Variants in FHIP1A observed in about 807,000 individuals in gnomAD.
FHIP1A encodes FHF complex subunit HOOK interacting protein 1A.
A neutral mutation model predicts 88.6 loss-of-function variants in FHIP1A; 61 were observed. The ratio of observed to expected loss-of-function variants is 0.69; its 90% CI spans 0.56 to 0.85. The LOEUF (loss-of-function observed/expected upper bound fraction) is 0.85, where lower values mean the gene tolerates loss of function less well. Ranked by LOEUF, FHIP1A falls within the 40% of genes least tolerant of loss-of-function variation. The probability of loss-of-function intolerance (pLI) is 0.00; values close to 1 mark genes in which losing one functional copy is unlikely to be tolerated. For synonymous variants in FHIP1A, 478 were observed against 496.0 expected (o/e 0.96, Z 0.48); for missense variants, 1,154 against 1,273.5 (o/e 0.91, Z 1.43).
chr4:151,577,780 T>C lies in FHIP1A; in HGVS notation c.436T>C (p.Leu146=). ...HKPILKPLMM[L]LSSCSGTTTP... ...ACCCATTCTGAAGCCTCTGATGATG[T>C]TGCTGAGCTCTTGTTCAGGAACAAC... Residue 146 remains leucine, a synonymous_variant, in exon 5 of 14, where the codon TTG becomes CTG. Coordinates refer to ENST00000435205, the MANE Select transcript of FHIP1A (RefSeq NM_001109977.3). 1 of 1,552,034 alleles carries C rather than the reference T, an allele frequency of 6.4e-7. No homozygotes were observed. Among genetic ancestry groups the C allele is most frequent in the East Asian group, 2.4e-5 (1 of 40,914 alleles).
At chr4:151,638,973 G>A (rs149114647) in intron 9 of FHIP1A, among the ~76,000 whole-genome samples, 10 of 152,220 alleles carry the variant, frequency 6.6e-5, no homozygotes, top group African/African-American at 2.4e-4. Flanking sequence ...AAAGTTTTTA[G>A]AGGGCCATAT....
At chr4:151,641,145 A>G (rs920903968) in intron 9 of FHIP1A, among the ~76,000 whole-genome samples, 1 of 152,030 alleles carries the variant, frequency 6.6e-6, no homozygotes, top group Non-Finnish European at 1.5e-5. Flanking sequence ...AATGAGGATG[A>G]TAGTGATAAT....
At position 151,623,521 on chromosome 4, in the gene FHIP1A, C is replaced by CTTT. The variant is rs747837424; in HGVS notation, c.979-6162_979-6160dup. 3.1e-3 allele frequency among the ~76,000 whole-genome samples: 273 copies of CTTT among 88,138 alleles called. 4 individuals carry two copies. Among genetic ancestry groups the CTTT allele is most frequent in the Non-Finnish European group, 4.7e-3 (216 of 46,022 alleles). The allele number at this position is 88,138 out of a possible 152,430, so 57.8% of individuals were successfully genotyped here. On this transcript the variant is annotated intron_variant, in intron 7 of 13. Transcript: ENST00000435205. ...CAACACTCCCGCTGACTTCCTGGTCCTTTTTTTTTTTTTTTTTTTTTCGCC... is the reference window on the plus strand; with the variant it reads ...CAACACTCCCGCTGACTTCCTGGTCCTTTTTTTTTTTTTTTTTTTTTTTTCGCC...
At chr4:151,492,030 G>A (rs2126648553) in intron 3 of FHIP1A, among the ~76,000 whole-genome samples, 1 of 152,198 alleles carries the variant, frequency 6.6e-6, no homozygotes, top group South Asian at 2.1e-4. Flanking sequence ...TAAGAAATCA[G>A]ATAGATGGCA....
chr4:151,662,525 C>G lies in FHIP1A; in HGVS notation c.2894C>G (p.Thr965Arg). Residue 965 changes from threonine (T) to arginine (R), a missense_variant, in exon 14 of 14, where the codon ACA (threonine) becomes AGA (arginine). Physicochemically the swap from Thr to Arg is moderately conservative, Grantham distance 71 (BLOSUM62 -1). Transcript: ENST00000435205. ...GATCCCATTCAGGAGGCTTCCAGGA[C>G]AGGAAGTGGCAAGAACCTTTTGGAT... The part of the protein sequence containing the change: ...TKDPIQEASR[T>R]GSGKNLLDGP... The G allele has an allele frequency of 6.5e-7, 1 of 1,542,764 alleles. No individual in the cohort carries two copies.
chr4:151,584,030 A>G (rs1734118770), intron 5 of FHIP1A, among the ~76,000 whole-genome samples: 1 of 152,254 alleles, frequency 6.6e-6, no homozygotes, highest in Non-Finnish European at 1.5e-5. Context: ...TTTTTAATGA[A>G]TAAGTAAATG....
chr4:151,427,646 T>C (rs1460340620), intron 1 of FHIP1A, among the ~76,000 whole-genome samples: 1 of 152,114 alleles, frequency 6.6e-6, no homozygotes. Flanking sequence ...CTCAACCCCA[T>C]TTTCCTAATT....
intron 1 of FHIP1A, among the ~76,000 whole-genome samples, chr4:151,450,742 G>C (rs1478446747): frequency 6.6e-6 from 1 of 151,878 alleles, no homozygotes; most frequent in East Asian, 1.9e-4. Flanking sequence ...AAATGTTTCA[G>C]TGGTGTTTTG....
At chr4:151,649,361 TG>T in intron 10 of FHIP1A, 97 bp from the exon 11 acceptor site, 1 of 742,768 alleles carries the variant, frequency 1.3e-6, no homozygotes, top group Non-Finnish European at 2.2e-6. Context: ...CCAAAGTAGC[TG>T]GCAAGACACA....
chr4:151,424,420 G>T lies in FHIP1A; in HGVS notation c.-356+14955G>T, dbSNP rs147843251. 2.3e-3 allele frequency among the ~76,000 whole-genome samples: 351 copies of T among 152,284 alleles called. 2 individuals carry two copies. The highest frequency in any genetic ancestry group is 7.6e-3 in the African/African-American group (316 of 41,556). On this transcript the variant is annotated intron_variant, in intron 1 of 13. Transcript: ENST00000435205. ...GGGGAGAAGAGGAGGGCTTGAGCTGGCTGTAGGGAGAAAGGCAGGACCTTA... is the reference window on the plus strand; with the variant it reads ...GGGGAGAAGAGGAGGGCTTGAGCTGTCTGTAGGGAGAAAGGCAGGACCTTA...
In FHIP1A at chr4:151,462,355, T is replaced by C. The variant is rs1211181228; in HGVS notation, c.-248+7547T>C. ...TATCTTTCTTGGTTTTCTTTCTACA[T>C]GCCAATACTTACCTGTTCACTGTCT... On this transcript the variant is annotated intron_variant, in intron 2 of 13. Transcript: ENST00000435205. 2.6e-5 allele frequency among the ~76,000 whole-genome samples: 4 copies of C among 152,270 alleles called. No homozygotes were observed. The South Asian group carries it at 6.2e-4, about 24-fold the overall frequency.
chr4:151,650,628 C>A, intron 11 of FHIP1A, 36 bp downstream of exon 11: 1 of 1,516,760 alleles, frequency 6.6e-7, no homozygotes, highest in South Asian at 1.3e-5. Flanking sequence ...TTTCTGCTTT[C>A]GAAAGTACTT....
intron 3 of FHIP1A, among the ~76,000 whole-genome samples, chr4:151,558,905 C>T (rs1320075015): frequency 6.6e-6 from 1 of 152,104 alleles, no homozygotes; most frequent in African/African-American, 2.4e-5. Context: ...GAGTATTGTG[C>T]AACAATAATA....
intron 8 of FHIP1A, among the ~76,000 whole-genome samples, chr4:151,635,687 A>G (rs986141944): frequency 6.6e-6 from 1 of 151,934 alleles, no homozygotes; most frequent in Non-Finnish European, 1.5e-5. Flanking sequence ...AGTCAAACTT[A>G]AAGAAACAGA....
At chr4:151,659,399 T>C (rs1024692113) in intron 13 of FHIP1A, among the ~76,000 whole-genome samples, 2 of 152,208 alleles carry the variant, frequency 1.3e-5, no homozygotes, top group Non-Finnish European at 2.9e-5. Context: ...CTGGGAGGCC[T>C]GTTCTCACTG....
At chr4:151,572,725 A>G (rs186833209) in intron 4 of FHIP1A, among the ~76,000 whole-genome samples, 53 of 152,338 alleles carry the variant, frequency 3.5e-4, no homozygotes, top group Middle Eastern at 3.4e-3. Context: ...ATTTGGAAGT[A>G]TGGGTTTTAC....
chr4:151,410,626 C>T (rs533225449), intron 1 of FHIP1A, among the ~76,000 whole-genome samples: 14 of 152,348 alleles, frequency 9.2e-5, no homozygotes, highest in African/African-American at 3.4e-4. Flanking sequence ...TTCACTTGTA[C>T]ACCTGGCACT....
intron 2 of FHIP1A, among the ~76,000 whole-genome samples, chr4:151,474,007 C>A (rs767890928): frequency 6.6e-5 from 10 of 151,886 alleles, no homozygotes; most frequent in Non-Finnish European, 1.5e-4. Flanking sequence ...GCTCTAAAAT[C>A]TTTTTTTTGG....
chr4:151,454,625 A>G (rs939841277), intron 1 of FHIP1A, 76 bp from the exon 2 acceptor site: 33 of 152,148 alleles, frequency 2.2e-4, no homozygotes, highest in African/African-American at 6.5e-4. Flanking sequence ...AATCCGAAGC[A>G]GAGATTATAG....
Sources: allele counts gnomAD v4.1 joint callset (sites outside exome capture counted in the v4.1 genomes callset), GRCh38; gene constraint gnomAD v4.1.1; transcripts MANE v1.5; gene names NCBI Gene and HGNC (gene_info 2026-07-23, HGNC 2026-07-21).